ASPH: variants seen among roughly 807,000 people sequenced by gnomAD.
ASPH encodes aspartyl/asparaginyl beta-hydroxylase.
In ASPH, 100 loss-of-function variants were observed where a neutral mutation model predicts 118.4. That is an observed-to-expected ratio of 0.84 (90% CI 0.72 to 1.00). The LOEUF is 1.00. ASPH is among the 50% of genes least tolerant of loss of function. ASPH has a pLI of 0.00. For synonymous variants in ASPH, 315 were observed against 325.6 expected (o/e 0.97, Z 0.35); for missense variants, 920 against 919.5 (o/e 1.00, Z -0.01).
chr8:61,703,826 AG>A (rs1835838038), intron 1 of ASPH, among the ~76,000 whole-genome samples: 1 of 152,220 alleles, frequency 6.6e-6, no homozygotes, highest in Admixed American at 6.5e-5. Flanking sequence ...CTATTTTAAA[AG>A]GAACAACAAA....
At chr8:61,626,081 T>C (rs1852667418) in intron 13 of ASPH, 14 of 1,244,546 alleles carry the variant, frequency 1.1e-5, no homozygotes, top group Non-Finnish European at 1.4e-5. Context: ...TTTAGAAATG[T>C]GTGTTTCTAA....
chr8:61,531,451 C>T (rs1470845326), intron 21 of ASPH, among the ~76,000 whole-genome samples: 1 of 151,842 alleles, frequency 6.6e-6, no homozygotes, highest in African/African-American at 2.4e-5. Flanking sequence ...AGCTCTTATA[C>T]CTGATTGAAG....
chr8:61,591,889 A>G (rs1205782889), intron 14 of ASPH, among the ~76,000 whole-genome samples: 1 of 152,232 alleles, frequency 6.6e-6, no homozygotes, highest in Non-Finnish European at 1.5e-5. Context: ...AGTGGAATTA[A>G]GTATTAGTAT....
At chr8:61,536,037 C>CA (rs34684050) in intron 21 of ASPH, among the ~76,000 whole-genome samples, 1 of 128,438 alleles carries the variant, frequency 7.8e-6, no homozygotes, top group Non-Finnish European at 1.6e-5. Flanking sequence ...AAACAGGTGA[C>CA]TTTTTTTTTT....
intron 8 of ASPH, among the ~76,000 whole-genome samples, chr8:61,643,645 A>C (rs529031579): frequency 2.6e-5 from 4 of 152,096 alleles, no homozygotes; most frequent in Non-Finnish European, 5.9e-5. Flanking sequence ...TTGTACCCAG[A>C]ATGACTTTAT....
At position 61,577,399 on chromosome 8, in the gene ASPH, C is replaced by CAAAAAAAAAA. The variant is rs775523503; in HGVS notation, c.1063-551_1063-542dup. 2.0e-3 allele frequency among the ~76,000 whole-genome samples: 47 copies of CAAAAAAAAAA among 23,280 alleles called. 1 individual carries two copies. Among genetic ancestry groups the CAAAAAAAAAA allele is most frequent in the East Asian group, 4.7e-3 (3 of 636 alleles). 15.3% of individuals were successfully genotyped at this position (23,280 alleles called of 152,430 possible). A position where few individuals can be genotyped will look rare whatever the true frequency, so the allele number is the denominator to read the frequency against. ...AAAATGGCAAGGATGCCCAATCTCG[C>CAAAAAAAAAA]AAAAAAAAAAAAAAAAAAAAAAAAG... is the stretch of plus-strand genomic sequence containing the variant. On this transcript the variant is annotated intron_variant, in intron 15 of 24. Coordinates refer to ENST00000379454, the MANE Select transcript of ASPH (RefSeq NM_004318.4).
intron 5 of ASPH, among the ~76,000 whole-genome samples, chr8:61,650,738 G>T (rs1259356794): frequency 6.6e-6 from 1 of 152,134 alleles, no homozygotes; most frequent in African/African-American, 2.4e-5. Context: ...GTGGGCCTGT[G>T]TCCCACTTTC....
At chr8:61,663,604 T>C (rs1028337586) in intron 3 of ASPH, 54 of 985,348 alleles carry the variant, frequency 5.5e-5, no homozygotes, top group Non-Finnish European at 6.3e-5. Flanking sequence ...AAAGCAGCTG[T>C]AGAATTCCCT....
chr8:61,515,844 C>A (rs767911009), intron 24 of ASPH, among the ~76,000 whole-genome samples: 5 of 152,158 alleles, frequency 3.3e-5, no homozygotes, highest in Admixed American at 6.5e-5. Flanking sequence ...CTTGCATCTG[C>A]TCTCTAGTCT....
rs763423069 is a variant in ASPH at position 61,644,644 on chromosome 8, A to T, written c.620-12T>A. On this transcript the variant is annotated splice_polypyrimidine_tract_variant and intron_variant, in intron 6 of 24. Coordinates refer to ENST00000379454, the MANE Select transcript of ASPH (RefSeq NM_004318.4). ...ACTATGCTCGGTTTCTGGAAAAAAA[A>T]AAATTAGATTGATATTTACTGCTTT... 3.2e-6 allele frequency: 5 copies of T among 1,583,588 alleles called. No homozygotes were observed. The highest frequency in any genetic ancestry group is 4.3e-6 in the Non-Finnish European group (5 of 1,163,984).
At chr8:61,698,324 T>TA (rs1324351884) in intron 1 of ASPH, among the ~76,000 whole-genome samples, 2 of 152,256 alleles carry the variant, frequency 1.3e-5, no homozygotes, top group African/African-American at 4.8e-5. Context: ...CTGTGACTGA[T>TA]ACAAGGGTAG....
rs1823739351 is a variant in ASPH at position 61,546,075 on chromosome 8, TCCAGAAGGC to T, written c.1764+1987_1764+1995del. Among the ~76,000 whole-genome samples, 4 of 152,312 alleles carry T rather than the reference TCCAGAAGGC, an allele frequency of 2.6e-5. No homozygotes were observed. The South Asian group carries it at 8.3e-4, about 32-fold the overall frequency. On this transcript the variant is annotated intron_variant, in intron 21 of 24. Transcript: ENST00000379454. ...ATAGAAGAGGGTCTGCCAGGAGGTT[TCCAGAAGGC>T]CATTTACGGCTGGGGTGGTAGCTCA...
At chr8:61,525,920 T>A in intron 22 of ASPH, 57 bp downstream of exon 22, 1 of 1,606,018 alleles carries the variant, frequency 6.2e-7, no homozygotes, top group South Asian at 1.1e-5. Flanking sequence ...CTCTTGTCAG[T>A]ACCCACTTCC....
chr8:61,553,052 C>T lies in ASPH; in HGVS notation c.1605G>A (p.Met535Ile), dbSNP rs754531033. The T allele has an allele frequency of 4.3e-6, 7 of 1,613,566 alleles. No individual in the cohort carries two copies. The highest frequency in any genetic ancestry group is 5.9e-6 in the Non-Finnish European group (7 of 1,179,550). The change falls in exon 20 of 25, where the codon ATG (methionine) becomes ATA (isoleucine). Residue 535 changes from methionine to isoleucine, a missense_variant. Coordinates refer to ENST00000379454, the MANE Select transcript of ASPH (RefSeq NM_004318.4). The stretch of plus-strand genomic sequence containing the variant: ...TTACCTCTTTGTTCCCAACCCTCTG[C>T]ATGGCATCCCCCAGGTGGAAATAAA... ...GRFYFHLGDA[M>I]QRVGNKEAYK... is the part of the protein sequence containing the mutation.
chr8:61,515,968 C>T (rs916561254), intron 24 of ASPH, among the ~76,000 whole-genome samples: 5 of 152,230 alleles, frequency 3.3e-5, no homozygotes, highest in Non-Finnish European at 7.4e-5. Context: ...ATGGGTTCCA[C>T]AGTAACTTCC....
chr8:61,623,484 A>G (rs1467106393), intron 13 of ASPH, among the ~76,000 whole-genome samples: 1 of 152,128 alleles, frequency 6.6e-6, no homozygotes, highest in African/African-American at 2.4e-5. Flanking sequence ...ATTTTGATGT[A>G]TTCTGTGGGT....
At chr8:61,554,288 T>G (rs1233194553) in intron 19 of ASPH, among the ~76,000 whole-genome samples, 2 of 152,230 alleles carry the variant, frequency 1.3e-5, no homozygotes, top group African/African-American at 4.8e-5. Context: ...CAAGAGAAAC[T>G]AGAAGTCTGC....
intron 21 of ASPH, among the ~76,000 whole-genome samples, chr8:61,528,092 C>A (rs1208733428): frequency 1.3e-5 from 2 of 152,126 alleles, no homozygotes; most frequent in East Asian, 1.9e-4. Flanking sequence ...TACCATTGCC[C>A]AGCTTGGCGT....
intron 1 of ASPH, among the ~76,000 whole-genome samples, chr8:61,712,723 G>T (rs1213828275): frequency 6.6e-6 from 1 of 152,110 alleles, no homozygotes; most frequent in Non-Finnish European, 1.5e-5. Flanking sequence ...TATGGGGTAG[G>T]TCTAGAAACG....
Sources: allele counts gnomAD v4.1 joint callset (sites outside exome capture counted in the v4.1 genomes callset), GRCh38; gene constraint gnomAD v4.1.1; transcripts MANE v1.5; gene names NCBI Gene and HGNC (gene_info 2026-07-23, HGNC 2026-07-21).